The following SCARB1 variants were observed in gnomAD, a reference collection of about 807,000 sequenced individuals.
SCARB1 encodes scavenger receptor class B member 1.
In SCARB1, 30 loss-of-function variants were observed where a neutral mutation model predicts 57.2. The observed-to-expected ratio is 0.52, with a 90% CI of 0.39 to 0.71. SCARB1 has a LOEUF of 0.71. Ranked by LOEUF, SCARB1 falls within the 30% of genes least tolerant of loss-of-function variation. SCARB1 has a pLI of 0.00. For missense variants in SCARB1, 543 were observed against 671.2 expected (o/e 0.81, Z 2.11); for synonymous variants, 249 against 268.3 (o/e 0.93, Z 0.70).
At chr12:124,791,501 A>G (rs1949727647) in intron 9 of SCARB1, among the ~76,000 whole-genome samples, 1 of 152,216 alleles carries the variant, frequency 6.6e-6, no homozygotes, top group South Asian at 2.1e-4. Context: ...CCCGGCATAT[A>G]AAAGTGCTTG....
chr12:124,827,879 G>C (rs10846744), intron 1 of SCARB1, among the ~76,000 whole-genome samples: 48,609 of 151,942 alleles, frequency 0.32, 11,132 homozygotes, highest in African/African-American at 0.63. Flanking sequence ...GTTTATTGCT[G>C]TCCATCTGTA....
At position 124,810,176 on chromosome 12, in the gene SCARB1, G is replaced by T; in HGVS notation, c.840C>A (p.Cys280Ter). 6.2e-7 allele frequency: 1 copy of T among 1,608,574 alleles called. No homozygotes were observed. The highest frequency in any genetic ancestry group is 8.5e-7 in the Non-Finnish European group (1 of 1,175,080). ...SSLEFYSPEA[C>*]RSMKLMYKES... ...AGGCCCCGAGTCCCAGTGATTACCG[G>T]CAGGCCTCCGGGCTGTAGAACTCCA... Residue 280 changes from cysteine to a stop codon, truncating the protein, a stop_gained and splice_region_variant, in exon 6 of 13, where the codon TGC (cysteine) becomes TGA (stop). Coordinates refer to ENST00000261693, the MANE Select transcript of SCARB1 (RefSeq NM_005505.5). LOFTEE classifies it high-confidence loss of function. This position sits in a 1 kb window ranked among gnomAD's most constrained non-coding sequence, Gnocchi z 4.0.
rs1950367561 is a variant in SCARB1 at position 124,807,678 on chromosome 12, G to T, written c.1009+83C>A. 3 of 1,328,460 alleles carry T rather than the reference G, an allele frequency of 2.3e-6. No individual in the cohort carries two copies. Among genetic ancestry groups the T allele is most frequent in the Non-Finnish European group, 3.2e-6 (3 of 932,688 alleles). The allele number at this position is 1,328,460 out of a possible 1,614,324, so 82.3% of individuals were successfully genotyped here. On this transcript the variant is annotated intron_variant, in intron 7 of 12. Coordinates refer to ENST00000261693, the MANE Select transcript of SCARB1 (RefSeq NM_005505.5). This position sits in a 1 kb window ranked among gnomAD's most constrained non-coding sequence, Gnocchi z 5.3. ...CAAGAGTACAGAGGCCAGAGATTAA[G>T]CAGACAGCACTGGGCAGATAAACCC...
At chr12:124,805,286 C>G (rs1950282469) in intron 7 of SCARB1, among the ~76,000 whole-genome samples, 1 of 152,170 alleles carries the variant, frequency 6.6e-6, no homozygotes, top group Non-Finnish European at 1.5e-5. Flanking sequence ...CTCAGAAATC[C>G]AGACAAAGAG....
intron 1 of SCARB1, among the ~76,000 whole-genome samples, chr12:124,841,496 A>T (rs1951909577): frequency 1.3e-5 from 2 of 151,848 alleles, no homozygotes; most frequent in Admixed American, 6.6e-5. Flanking sequence ...AAAAAAAAAA[A>T]AAATACTGAG....
intron 2 of SCARB1, 57 bp from the exon 3 acceptor site, chr12:124,815,171 T>C (rs2135679539): frequency 6.3e-7 from 1 of 1,594,244 alleles, no homozygotes; most frequent in East Asian, 2.2e-5. Context: ...ACGTTTCCCT[T>C]CTACTCGCCT....
intron 1 of SCARB1, among the ~76,000 whole-genome samples, chr12:124,836,118 C>A (rs932073249): frequency 9.9e-5 from 15 of 152,206 alleles, no homozygotes; most frequent in Admixed American, 8.5e-4. Context: ...TAAAGTTAAT[C>A]CAACAGGATT....
intron 7 of SCARB1, among the ~76,000 whole-genome samples, chr12:124,805,725 A>ATTTTTT (rs755476758): frequency 1.4e-4 from 11 of 79,582 alleles, no homozygotes; most frequent in African/African-American, 2.4e-4. Flanking sequence ...TGCCTAGCTA[A>ATTTTTT]TTTTTTTTTT....
Position 124,842,069 on chromosome 12 carries a change from C to G in SCARB1, c.126+21526G>C, listed in dbSNP as rs563603321. Among the ~76,000 whole-genome samples, 3 of 152,316 alleles carry G rather than the reference C, an allele frequency of 2.0e-5. No individual in the cohort carries two copies. In the South Asian group the frequency reaches 6.2e-4, roughly 32 times the overall value. On this transcript the variant is annotated intron_variant, in intron 1 of 12. Coordinates refer to ENST00000261693, the MANE Select transcript of SCARB1 (RefSeq NM_005505.5). ...TCCTCCTCCCACAGTCCTGTGTGCC[C>G]CATTCAGGTGGTTCATAAACAGCTG...
intron 1 of SCARB1, chr12:124,840,124 A>G: frequency 8.2e-7 from 1 of 1,214,154 alleles, no homozygotes; most frequent in Non-Finnish European, 1.1e-6. Flanking sequence ...ACTGATTCTC[A>G]TTTCCCTAAC....
In SCARB1 at chr12:124,777,353, T is replaced by A. The variant is rs1260002183; in HGVS notation, c.*1234A>T. On this transcript the variant is annotated 3_prime_UTR_variant, in exon 13 of 13. Coordinates refer to ENST00000261693, the MANE Select transcript of SCARB1 (RefSeq NM_005505.5). Reference sequence around the variant, plus strand: ...ACATCCAGGGGGCCCCATGCAAAAGTGGCAAAAGCGTCTGCACTGGGGGCT... The same window carrying A: ...ACATCCAGGGGGCCCCATGCAAAAGAGGCAAAAGCGTCTGCACTGGGGGCT... The A allele has an allele frequency of 1.3e-5, 2 of 152,124 alleles. No individual in the cohort carries two copies. The highest frequency in any genetic ancestry group is 2.9e-5 in the Non-Finnish European group (2 of 68,012). 9.4% of individuals were successfully genotyped at this position (152,124 alleles called of 1,614,324 possible).
In SCARB1 at chr12:124,796,177, C is replaced by G. The variant is rs7301720; in HGVS notation, c.1129-909G>C. ...CCATGTTGACCAGGCTGGTCTCAAA[C>G]TCCTGGCAGCAAGCGAACTGCCCAC... On this transcript the variant is annotated intron_variant, in intron 8 of 12. Coordinates refer to ENST00000261693, the MANE Select transcript of SCARB1 (RefSeq NM_005505.5). The surrounding 1 kb of genome is among the most constrained non-coding windows in gnomAD (Gnocchi z 4.0). Among the ~76,000 whole-genome samples, 7,170 of 152,320 alleles carry G rather than the reference C, an allele frequency of 0.047. 285 individuals carry two copies. The highest frequency in any genetic ancestry group is 0.11 in the African/African-American group (4,458 of 41,566).
chr12:124,837,376 A>G (rs1951690847), intron 1 of SCARB1, among the ~76,000 whole-genome samples: 1 of 151,732 alleles, frequency 6.6e-6, no homozygotes, highest in South Asian at 2.1e-4. Flanking sequence ...TACTCACCCC[A>G]CAAGCTAACA....
rs1873159612 is a variant in SCARB1 at position 124,780,120 on chromosome 12, CT to C, written c.*1-1535del. On this transcript the variant is annotated intron_variant, in intron 12 of 12. Coordinates refer to ENST00000261693, the MANE Select transcript of SCARB1 (RefSeq NM_005505.5). ...CAGGTTCCTCCTCCTTCCCCTCCTC[CT>C]CCTCCTCTTTGCCACTTGTTTGACT... Among the ~76,000 whole-genome samples, 4 of 152,214 alleles carry C rather than the reference CT, an allele frequency of 2.6e-5. No individual in the cohort carries two copies. The South Asian group carries it at 8.3e-4, about 32-fold the overall frequency.
rs1006055599 is a variant in SCARB1 at position 124,807,011 on chromosome 12, C to A, written c.1009+750G>T. Among the ~76,000 whole-genome samples the A allele has an allele frequency of 3.3e-5, 5 of 152,080 alleles. No individual in the cohort carries two copies. Among genetic ancestry groups the A allele is most frequent in the Non-Finnish European group, 7.4e-5 (5 of 68,018 alleles). Reference sequence around the variant, plus strand: ...GTCAGGAGTTCAAGACCAGCCTGGGCAACATGGTGAAACCCCCATCTCTAC... The same window carrying A: ...GTCAGGAGTTCAAGACCAGCCTGGGAAACATGGTGAAACCCCCATCTCTAC... On this transcript the variant is annotated intron_variant, in intron 7 of 12. Transcript: ENST00000261693. The surrounding 1 kb of genome is among the most constrained non-coding windows in gnomAD (Gnocchi z 5.3).
At chr12:124,862,836 C>T (rs1421444433) in intron 1 of SCARB1, among the ~76,000 whole-genome samples, 1 of 152,226 alleles carries the variant, frequency 6.6e-6, no homozygotes, top group South Asian at 2.1e-4. Flanking sequence ...CAGCTGACCG[C>T]CTAATCTGTC....
chr12:124,793,418 G>A (rs1315467231), intron 9 of SCARB1, among the ~76,000 whole-genome samples: 1 of 176 alleles, frequency 5.7e-3, no homozygotes, highest in Non-Finnish European at 0.016. Context: ...GATGGGGCCG[G>A]GCGCGGTGCT....
In SCARB1 at chr12:124,778,550, C is replaced by T. The variant is rs914698312; in HGVS notation, c.*37G>A. On this transcript the variant is annotated 3_prime_UTR_variant, in exon 13 of 13. Coordinates refer to ENST00000261693, the MANE Select transcript of SCARB1 (RefSeq NM_005505.5). ...GGGCTGGGGGGCCGGTCAGGCCCAG[C>T]GGCCAGGCCTGGCTGGCTCACGGTG... 14 of 1,381,428 alleles carry T rather than the reference C, an allele frequency of 1.0e-5. No homozygotes were observed. The highest frequency in any genetic ancestry group is 8.0e-5 in the Admixed American group (2 of 25,104). The allele number at this position is 1,381,428 out of a possible 1,614,324, so 85.6% of individuals were successfully genotyped here.
At position 124,789,270 on chromosome 12, in the gene SCARB1, T is replaced by C. The variant is rs1016657061; in HGVS notation, c.1203-1813A>G. 3.9e-5 allele frequency among the ~76,000 whole-genome samples: 6 copies of C among 152,110 alleles called. No individual in the cohort carries two copies. Among genetic ancestry groups the C allele is most frequent in the African/African-American group, 1.4e-4 (6 of 41,428 alleles). On this transcript the variant is annotated intron_variant, in intron 9 of 12. Coordinates refer to ENST00000261693, the MANE Select transcript of SCARB1 (RefSeq NM_005505.5). This position sits in a 1 kb window ranked among gnomAD's most constrained non-coding sequence, Gnocchi z 4.4. ...CCTCCCAAAACCCATCACCCCAGTC[T>C]AATCATGAGAAAAGCACCAGACCAA...
Sources: gnomAD v4.1 joint callset for allele counts (sites outside exome capture counted in the v4.1 genomes callset) on GRCh38, gnomAD v4.1.1 for gene constraint, Gnocchi (gnomAD v3.1) non-coding constraint, MANE v1.5 for transcripts, NCBI Gene and HGNC (gene_info 2026-07-23, HGNC 2026-07-21) for gene names.